Variants in TTN observed in about 807,000 individuals in gnomAD.
TTN encodes connectin.
TTN carries 1,525 observed loss-of-function variants against 3,223.0 expected under a neutral mutation model. That is an observed-to-expected ratio of 0.47 (90% CI 0.45 to 0.49). The LOEUF (loss-of-function observed/expected upper bound fraction) is 0.49, where lower values mean the gene tolerates loss of function less well. Ranked by LOEUF, TTN falls within the 20% of genes least tolerant of loss-of-function variation. TTN has a pLI of 0.00. For synonymous variants in TTN, 14,094 were observed against 15,161.0 expected, an observed-to-expected ratio of 0.93 and a Z score of 5.17; for missense variants, 40,786 against 43,424.0, an observed-to-expected ratio of 0.94 and a Z score of 5.40.
rs756339648 is a variant in TTN at position 178,604,986 on chromosome 2, C to T, written c.54190+1G>A. The T allele has an allele frequency of 6.3e-7, 1 of 1,592,768 alleles. No individual in the cohort carries two copies. The highest frequency in any genetic ancestry group is 1.1e-5 in the South Asian group (1 of 87,506). On this transcript the variant is annotated splice_donor_variant, in intron 280 of 362. Coordinates refer to ENST00000589042, the MANE Select transcript of TTN (RefSeq NM_001267550.2). LOFTEE classifies it high-confidence loss of function. ...TTGATGTAAGAAAGCAAGTCACTTA[C>T]CATATACTTCAACGTGAACATTTCG... is the stretch of plus-strand genomic sequence containing the variant.
chr2:178,604,583 C>T (rs1304282297), intron 281 of TTN, 125 bp downstream of exon 281: 12 of 1,110,812 alleles, frequency 1.1e-5, no homozygotes, highest in Non-Finnish European at 1.4e-5. Context: ...ACTACAATAA[C>T]AAAATAACAG....
chr2:178,663,948 C>G, intron 169 of TTN, 46 bp from the exon 170 acceptor site: 3 of 1,611,672 alleles, frequency 1.9e-6, no homozygotes, highest in Non-Finnish European at 2.5e-6. Context: ...ATGAAGACCG[C>G]TAGAAAAAAA....
chr2:178,720,386 T>A lies in TTN; in HGVS notation c.23376A>T (p.Lys7792Asn). The change falls in exon 80 of 363, where the codon AAA (lysine) becomes AAT (asparagine). Residue 7792 changes from lysine (K) to asparagine (N), a missense_variant and splice_region_variant. Transcript: ENST00000589042. ...ATTTTTGTGTCCATGTATACAAACC[T>A]TTGAACTTGACAGAGCAAGAACACG... ...SDTCSCSVKFKEPPRFVKKLS... is the reference protein window; with the variant it reads ...SDTCSCSVKFNEPPRFVKKLS... 1 of 1,609,922 alleles carries A rather than the reference T, an allele frequency of 6.2e-7. No individual in the cohort carries two copies. Among genetic ancestry groups the A allele is most frequent in the Non-Finnish European group, 8.5e-7 (1 of 1,177,716 alleles).
rs1252644947 is a variant in TTN at position 178,590,450 on chromosome 2, T to G, written c.61275A>C (p.Glu20425Asp). Residue 20425 changes from glutamate (E) to aspartate (D), a missense_variant, in exon 304 of 363, where the codon GAA (glutamate) becomes GAC (aspartate). Physicochemically the swap from Glu to Asp is conservative, Grantham distance 45 (BLOSUM62 2). Coordinates refer to ENST00000589042, the MANE Select transcript of TTN (RefSeq NM_001267550.2). ...CCCTAAAGGCACATTGCCTAATGAG[T>G]TCATCTTTATTAATCCTGTTCCATT... The part of the protein sequence containing the change: ...TAQWNRINKD[E>D]LIRQCAFRVP... The G allele has an allele frequency of 2.5e-6, 4 of 1,612,982 alleles. No homozygotes were observed. The East Asian group carries it at 8.9e-5, about 36-fold the overall frequency.
At chr2:178,674,174 C>T in intron 151 of TTN, 140 bp downstream of exon 151, 1 of 610,492 alleles carries the variant, frequency 1.6e-6, no homozygotes, top group Non-Finnish European at 2.9e-6. Flanking sequence ...CACATAGATT[C>T]AGGTGCCAGG....
chr2:178,725,725 G>A, intron 70 of TTN, 43 bp downstream of exon 70: 1 of 1,548,878 alleles, frequency 6.5e-7, no homozygotes, highest in African/African-American at 1.4e-5. Flanking sequence ...GTAGGATTTT[G>A]CACATTTATG....
In TTN at chr2:178,642,237, C is replaced by T. The variant is rs587780488; in HGVS notation, c.40558G>A (p.Val13520Ile). ...EPKEEVVLKS[V>I]LRKRPEEEEP... Reference sequence around the variant, plus strand: ...ACAGAATGGTTGAAAAATACTATACCGCTTTTCAGAACAACTTCTTCCTTT... The same window carrying T: ...ACAGAATGGTTGAAAAATACTATACTGCTTTTCAGAACAACTTCTTCCTTT... The change falls in exon 219 of 363, where the codon GTT (valine) becomes ATT (isoleucine). Residue 13520 changes from valine (V) to isoleucine (I), a missense_variant and splice_region_variant. Transcript: ENST00000589042. 1.0e-5 allele frequency: 16 copies of T among 1,579,664 alleles called. No individual in the cohort carries two copies. Among genetic ancestry groups the T allele is most frequent in the East Asian group, 9.2e-5 (4 of 43,618 alleles).
intron 273 of TTN, 121 bp from the exon 274 acceptor site, chr2:178,609,029 T>G: frequency 7.5e-7 from 1 of 1,338,394 alleles, no homozygotes; most frequent in Non-Finnish European, 1.0e-6. Context: ...ATCTTTGTAT[T>G]CCATTAGCTA....
intron 99 of TTN, among the ~76,000 whole-genome samples, chr2:178,708,088 A>G (rs189158767): frequency 1.2e-4 from 18 of 152,342 alleles, no homozygotes; most frequent in Admixed American, 2.6e-4. Flanking sequence ...CACTGCAGAC[A>G]TTGGCAGTTA....
chr2:178,546,766 A>G lies in TTN; in HGVS notation c.94662T>C (p.Gly31554=). ...ERKPVSEVGD[G]RWLKCNYTIV... is the part of the protein sequence containing the mutation. ...TGGTGTAGTTGCACTTCAGCCAGCG[A>G]CCATCTCCTACCTCACTGACTGGCT... Residue 31554 remains glycine, a synonymous_variant, in exon 341 of 363, where the codon GGT becomes GGC. Coordinates refer to ENST00000589042, the MANE Select transcript of TTN (RefSeq NM_001267550.2). The G allele has an allele frequency of 6.2e-7, 1 of 1,613,736 alleles. No homozygotes were observed. The highest frequency in any genetic ancestry group is 8.5e-7 in the Non-Finnish European group (1 of 1,179,742).
In TTN at chr2:178,689,322, C is replaced by T. The variant is rs759142975; in HGVS notation, c.31979G>A (p.Arg10660Gln). 1.5e-5 allele frequency: 25 copies of T among 1,613,706 alleles called. No homozygotes were observed. The highest frequency in any genetic ancestry group is 1.1e-4 in the East Asian group (5 of 44,872). The change falls in exon 124 of 363, where the codon CGG becomes CAG. Residue 10660 changes from arginine (R) to glutamine (Q), a missense_variant. By Grantham distance (43) the Arg-to-Gln change is conservative. Coordinates refer to ENST00000589042, the MANE Select transcript of TTN (RefSeq NM_001267550.2). ...TGGTGGTGGAACTTCTTCCTCCTTC[C>T]GAGGAACAGGTTTCCTTTCTTCAGG... ...KVPEERKPVPRKEEEVPPPPK... is the reference protein window; with the variant it reads ...KVPEERKPVPQKEEEVPPPPK...
At position 178,560,387 on chromosome 2, in the gene TTN, A is replaced by G; in HGVS notation, c.85745T>C (p.Ile28582Thr). The part of the protein sequence containing the change: ...SRPESDGGSE[I>T]SGYIIERREK... ...TCGCCTTTCAATTATATATCCAGAT[A>G]TTTCACTACCTCCATCACTCTCGGG... The change falls in exon 326 of 363, where the codon ATA (isoleucine) becomes ACA (threonine). Residue 28582 changes from isoleucine to threonine, a missense_variant. Ile to Thr is a moderately conservative substitution (Grantham distance 89). Coordinates refer to ENST00000589042, the MANE Select transcript of TTN (RefSeq NM_001267550.2). The G allele has an allele frequency of 6.2e-7, 1 of 1,613,616 alleles. No homozygotes were observed. The highest frequency in any genetic ancestry group is 8.5e-7 in the Non-Finnish European group (1 of 1,179,784).
At position 178,667,453 on chromosome 2, in the gene TTN, G is replaced by A. The variant is rs763589708; in HGVS notation, c.35702C>T (p.Pro11901Leu). 3 of 1,600,944 alleles carry A rather than the reference G, an allele frequency of 1.9e-6. No homozygotes were observed. In the East Asian group the frequency reaches 6.7e-5, roughly 36 times the overall value. The change falls in exon 161 of 363, where the codon CCA becomes CTA. Residue 11901 changes from proline to leucine, a missense_variant. Coordinates refer to ENST00000589042, the MANE Select transcript of TTN (RefSeq NM_001267550.2). The stretch of plus-strand genomic sequence containing the variant: ...TATTTGAAATATACCTTTAGTTGCT[G>A]GTGTTTCTCTCTTTTTAGGAATAGT... ...YVTIPKKRET[P>L]ATKEPDTTRG...
chr2:178,710,954 G>A (rs1444695557), intron 97 of TTN, 32 bp from the exon 98 acceptor site: 2 of 1,593,778 alleles, frequency 1.3e-6, no homozygotes, highest in Admixed American at 1.7e-5. Context: ...AAGGTTTCAG[G>A]CTCAATATCT....
intron 117 of TTN, 115 bp downstream of exon 117, chr2:178,694,484 A>G: frequency 1.6e-6 from 1 of 615,208 alleles, no homozygotes; most frequent in Non-Finnish European, 2.7e-6. Context: ...TTATGTAAAA[A>G]TGTGCTGTTT....
At chr2:178,799,255 A>C in intron 6 of TTN, 1 of 590,440 alleles carries the variant, frequency 1.7e-6, no homozygotes, top group Non-Finnish European at 2.9e-6. Flanking sequence ...ATGCCTATAA[A>C]AACCCCTGAG....
At position 178,588,951 on chromosome 2, in the gene TTN, A is replaced by T. The variant is rs755147938; in HGVS notation, c.62774T>A (p.Val20925Glu). 6.2e-7 allele frequency: 1 copy of T among 1,612,734 alleles called. No individual in the cohort carries two copies. The highest frequency in any genetic ancestry group is 1.7e-5 in the Admixed American group (1 of 59,900). ...TTCATTTCCTTCTATGAGACGTGTT[A>T]CTGTAGTACCAGGTGTCAAGACAGT... ...SATVLTPGTT[V>E]TRLIEGNEYI... Residue 20925 changes from valine to glutamate, a missense_variant, in exon 304 of 363, where the codon GTA (valine) becomes GAA (glutamate). Coordinates refer to ENST00000589042, the MANE Select transcript of TTN (RefSeq NM_001267550.2).
intron 336 of TTN, chr2:178,550,483 G>C: frequency 1.9e-6 from 1 of 526,590 alleles, no homozygotes; most frequent in Admixed American, 3.6e-5. Context: ...TGTAATGCCT[G>C]TCATGTTTTT....
At position 178,800,586 on chromosome 2, in the gene TTN, G is replaced by A. The variant is rs781001961; in HGVS notation, c.392C>T (p.Pro131Leu). 3 of 1,613,960 alleles carry A rather than the reference G, an allele frequency of 1.9e-6. No homozygotes were observed. In the African/African-American group the frequency reaches 4.0e-5, roughly 22 times the overall value. ...CCGGTAGAACTTCACCACAGGTGTA[G>A]GGATTCCAGTCACTCTCACTTGGAG... ...VRLQVRVTGIPTPVVKFYRDG... is the reference protein window; with the variant it reads ...VRLQVRVTGILTPVVKFYRDG... Residue 131 changes from proline (P) to leucine (L), a missense_variant, in exon 4 of 363, where the codon CCT (proline) becomes CTT (leucine). Pro to Leu is a moderately conservative substitution (Grantham distance 98). Transcript: ENST00000589042.
Sources: gnomAD v4.1 joint callset for allele counts (sites outside exome capture counted in the v4.1 genomes callset) on GRCh38, gnomAD v4.1.1 for gene constraint, MANE v1.5 for transcripts, NCBI Gene and HGNC (gene_info 2026-07-23, HGNC 2026-07-21) for gene names.